Variants in IL1RAPL1 observed in about 807,000 individuals in gnomAD.
IL1RAPL1 encodes interleukin 1 receptor accessory protein like 1.
A neutral mutation model predicts 48.4 loss-of-function variants in IL1RAPL1; 3 were observed. The ratio of observed to expected loss-of-function variants is 0.06; its 90% CI spans 0.03 to 0.16. IL1RAPL1 has a LOEUF of 0.16. Among genes scored for constraint, IL1RAPL1 ranks in the 10% least tolerant of loss-of-function variants. The pLI is 1.00. For synonymous variants in IL1RAPL1, 185 were observed against 187.7 expected (o/e 0.99, Z 0.12); for missense variants, 349 against 530.6 (o/e 0.66, Z 3.36).
At chrX:29,556,639 C>A (rs1922009781) in intron 5 of IL1RAPL1, among the ~76,000 whole-genome samples, 1 of 96,027 alleles carries the variant, frequency 1.0e-5, no homozygotes. Flanking sequence ...CAAAGCAAGA[C>A]TCTGCCTCAA....
chrX:29,121,364 A>G (rs992436769), intron 2 of IL1RAPL1, among the ~76,000 whole-genome samples: 10 of 112,496 alleles, frequency 8.9e-5, no homozygotes, highest in African/African-American at 2.9e-4. Flanking sequence ...TTTTCAACTT[A>G]CCATATTTTT....
intron 2 of IL1RAPL1, among the ~76,000 whole-genome samples, chrX:28,949,425 G>A (rs1429791414): frequency 9.0e-6 from 1 of 111,277 alleles, no homozygotes; most frequent in African/African-American, 3.3e-5. Context: ...CTCAATGCCT[G>A]TTTTTGTAAA....
chrX:29,450,537 G>C (rs1208723379), intron 5 of IL1RAPL1, among the ~76,000 whole-genome samples: 1 of 111,749 alleles, frequency 8.9e-6, no homozygotes. Context: ...GCCATAGTTT[G>C]ATAAGCACTT....
At chrX:29,078,299 A>AAAAAAC (rs1057421573) in intron 2 of IL1RAPL1, among the ~76,000 whole-genome samples, 1 of 112,335 alleles carries the variant, frequency 8.9e-6, no homozygotes, top group Non-Finnish European at 1.9e-5. Flanking sequence ...AACAAAACAA[A>AAAAAAC]AAAAACAAAA....
intron 2 of IL1RAPL1, among the ~76,000 whole-genome samples, chrX:29,167,415 A>G (rs1234948388): frequency 5.7e-5 from 6 of 105,684 alleles, no homozygotes; most frequent in African/African-American, 2.1e-4. Flanking sequence ...AAGTCTGGAG[A>G]CTTCTGCTTG....
intron 1 of IL1RAPL1, among the ~76,000 whole-genome samples, chrX:28,596,763 AT>A (rs1332889008): frequency 1.8e-5 from 2 of 111,890 alleles, no homozygotes; most frequent in African/African-American, 6.5e-5. Context: ...TATTTGTATT[AT>A]TTTTAATTAT....
chrX:29,395,385 T>G (rs1175250168), intron 3 of IL1RAPL1, among the ~76,000 whole-genome samples: 1 of 111,878 alleles, frequency 8.9e-6, no homozygotes, highest in Non-Finnish European at 1.9e-5. Flanking sequence ...ACATGATCAG[T>G]GTTCATTGAA....
chrX:28,611,143 A>C (rs1229880296), intron 1 of IL1RAPL1, among the ~76,000 whole-genome samples: 1 of 111,852 alleles, frequency 8.9e-6, no homozygotes, highest in African/African-American at 3.3e-5. Context: ...TGGCTTCCCC[A>C]CCAAATCTTT....
Position 29,685,002 on chromosome X carries a change from G to C in IL1RAPL1, c.778+16498G>C, listed in dbSNP as rs144940199. Reference sequence around the variant, plus strand: ...GTTTTCTTTCTGAATATAATTATCTGACTATATACAGAAAGGTAGTTTGAA... The same window carrying C: ...GTTTTCTTTCTGAATATAATTATCTCACTATATACAGAAAGGTAGTTTGAA... On this transcript the variant is annotated intron_variant, in intron 6 of 10. Transcript: ENST00000378993. Among the ~76,000 whole-genome samples the C allele has an allele frequency of 3.1e-3, 344 of 112,202 alleles. 2 individuals are homozygous for C. The highest frequency in any genetic ancestry group is 0.011 in the African/African-American group (334 of 30,905).
At chrX:28,815,861 A>C (rs1396985604) in intron 2 of IL1RAPL1, among the ~76,000 whole-genome samples, 1 of 71,292 alleles carries the variant, frequency 1.4e-5, no homozygotes, top group Non-Finnish European at 2.8e-5. Context: ...ATATATATAT[A>C]TATATATATA....
intron 2 of IL1RAPL1, among the ~76,000 whole-genome samples, chrX:29,208,740 A>AATAATAATAATAATAAT (rs1455071954): frequency 9.4e-6 from 1 of 106,796 alleles, no homozygotes; most frequent in African/African-American, 3.4e-5. Flanking sequence ...AATAATAAAT[A>AATAATAATAATAATAAT]AATAAATAAA....
chrX:29,191,720 G>A (rs757835088), intron 2 of IL1RAPL1, among the ~76,000 whole-genome samples: 39 of 111,379 alleles, frequency 3.5e-4, no homozygotes, highest in Non-Finnish European at 4.7e-4. Flanking sequence ...GCGCTTCAGA[G>A]GTAGCACCGA....
At chrX:29,498,032 T>G (rs1935232058) in intron 5 of IL1RAPL1, among the ~76,000 whole-genome samples, 1 of 112,202 alleles carries the variant, frequency 8.9e-6, no homozygotes, top group Non-Finnish European at 1.9e-5. Context: ...ACCAAAAAAT[T>G]TCTTACTAGT....
chrX:29,270,793 T>C (rs1197035120), intron 2 of IL1RAPL1, among the ~76,000 whole-genome samples: 2 of 111,996 alleles, frequency 1.8e-5, no homozygotes, highest in East Asian at 5.6e-4. Flanking sequence ...AATTTTAGAA[T>C]TAGTATGCCC....
chrX:29,270,153 G>A (rs142049161), intron 2 of IL1RAPL1, among the ~76,000 whole-genome samples: 2,063 of 111,501 alleles, frequency 0.019, 55 homozygotes, highest in African/African-American at 0.064. Flanking sequence ...TTATTCACCT[G>A]TTGGTAAAAT....
chrX:29,101,328 C>A (rs2147463764), intron 2 of IL1RAPL1, among the ~76,000 whole-genome samples: 1 of 111,690 alleles, frequency 9.0e-6, no homozygotes, highest in African/African-American at 3.2e-5. Context: ...CTGAACAGAC[C>A]AATAACAAGT....
chrX:29,208,680 C>T (rs1044595567), intron 2 of IL1RAPL1, among the ~76,000 whole-genome samples: 4 of 107,858 alleles, frequency 3.7e-5, no homozygotes, highest in African/African-American at 1.4e-4. Flanking sequence ...CACTGCACTC[C>T]AGCCTGGGTG....
chrX:29,643,732 A>G (rs192027294), intron 5 of IL1RAPL1, among the ~76,000 whole-genome samples: 16 of 111,255 alleles, frequency 1.4e-4, no homozygotes, highest in Admixed American at 3.8e-4. Flanking sequence ...CTCAAAATAC[A>G]CCAAGTCAAC....
chrX:28,944,573 C>G (rs1010458593), intron 2 of IL1RAPL1, among the ~76,000 whole-genome samples: 1 of 110,277 alleles, frequency 9.1e-6, no homozygotes, highest in African/African-American at 3.3e-5. Flanking sequence ...TTGATAATTT[C>G]TTGGATTTTG....
Sources: allele counts gnomAD v4.1 joint callset (sites outside exome capture counted in the v4.1 genomes callset), GRCh38; gene constraint gnomAD v4.1.1; transcripts MANE v1.5; gene names NCBI Gene and HGNC (gene_info 2026-07-23, HGNC 2026-07-21).